Variants in CCDC13 observed in about 807,000 individuals in gnomAD.
CCDC13 encodes the protein coiled-coil domain-containing protein 13.
CCDC13 carries 70 observed loss-of-function variants against 87.3 expected under a neutral mutation model. The ratio of observed to expected loss-of-function variants is 0.80; its 90% CI spans 0.66 to 0.98. The LOEUF is 0.98. CCDC13 is among the 50% of genes least tolerant of loss of function. CCDC13 has a pLI of 0.00. For synonymous variants in CCDC13, 317 were observed against 360.3 expected (o/e 0.88, Z 1.36); for missense variants, 842 against 892.0 (o/e 0.94, Z 0.71).
At chr3:42,756,338 T>A (rs1289306735) in intron 3 of CCDC13, among the ~76,000 whole-genome samples, 1 of 152,188 alleles carries the variant, frequency 6.6e-6, no homozygotes, top group Non-Finnish European at 1.5e-5. Context: ...ACAGAGCCAA[T>A]GTCCAGCTCA....
At position 42,736,288 on chromosome 3, in the gene CCDC13, G is replaced by A. The variant is rs190772645; in HGVS notation, c.1165-375C>T. ...CCTTGGAGGCAGTACCTGGACCCCT[G>A]CCAGGGATCCATTAGCACCTGACTG... On this transcript the variant is annotated intron_variant, in intron 9 of 15. Coordinates refer to ENST00000310232, the MANE Select transcript of CCDC13 (RefSeq NM_144719.4). Among the ~76,000 whole-genome samples, 10 of 152,270 alleles carry A rather than the reference G, an allele frequency of 6.6e-5. No homozygotes were observed. The East Asian group carries it at 1.9e-3, about 29-fold the overall frequency.
chr3:42,737,997 C>T (rs1047617162), intron 9 of CCDC13, among the ~76,000 whole-genome samples: 10 of 152,210 alleles, frequency 6.6e-5, no homozygotes, highest in Non-Finnish European at 1.2e-4. Context: ...TGCCTATGTC[C>T]TGAATGGTAT....
At chr3:42,756,130 C>T (rs911145528) in intron 3 of CCDC13, among the ~76,000 whole-genome samples, 7 of 152,190 alleles carry the variant, frequency 4.6e-5, no homozygotes, top group African/African-American at 1.4e-4. Flanking sequence ...TATCCTCAAA[C>T]GCATTTACTC....
At chr3:42,756,262 A>G (rs765107343) in intron 3 of CCDC13, among the ~76,000 whole-genome samples, 15 of 152,260 alleles carry the variant, frequency 9.9e-5, no homozygotes, top group Non-Finnish European at 1.6e-4. Context: ...GGGTATATAC[A>G]TAACACAGGA....
intron 14 of CCDC13, among the ~76,000 whole-genome samples, chr3:42,712,100 C>A (rs1260790077): frequency 6.6e-6 from 1 of 152,182 alleles, no homozygotes; most frequent in African/African-American, 2.4e-5. Context: ...GCCCCAACAC[C>A]CTCTTTATGC....
intron 12 of CCDC13, chr3:42,732,536 T>C (rs1559644309): frequency 3.5e-6 from 1 of 287,328 alleles, no homozygotes; most frequent in Non-Finnish European, 6.6e-6. Context: ...GGGATATCAG[T>C]GGGAACCCAT....
chr3:42,732,753 C>G, intron 12 of CCDC13, 134 bp downstream of exon 12: 3 of 726,984 alleles, frequency 4.1e-6, no homozygotes, highest in Non-Finnish European at 6.9e-6. Context: ...TCCTCCCTGT[C>G]TTTATGTAAC....
rs550281375 is a variant in CCDC13 at position 42,758,894 on chromosome 3, C to T, written c.-6-543G>A. 2.1e-4 allele frequency among the ~76,000 whole-genome samples: 32 copies of T among 152,248 alleles called. No homozygotes were observed. In the South Asian group the frequency reaches 6.2e-3, roughly 30 times the overall value. Reference sequence around the variant, plus strand: ...TCAAGGTACAGGGCACTTACGGTCCCTGAGCAGGCTACTTTGTGCCCCTTC... The same window carrying T: ...TCAAGGTACAGGGCACTTACGGTCCTTGAGCAGGCTACTTTGTGCCCCTTC... On this transcript the variant is annotated intron_variant, in intron 1 of 15. Coordinates refer to ENST00000310232, the MANE Select transcript of CCDC13 (RefSeq NM_144719.4).
chr3:42,715,094 C>G (rs1206098960), intron 13 of CCDC13, among the ~76,000 whole-genome samples: 1 of 150,898 alleles, frequency 6.6e-6, no homozygotes. Context: ...AAGTCTGAGA[C>G]CAGACCAGCC....
intron 1 of CCDC13, among the ~76,000 whole-genome samples, chr3:42,764,933 A>G (rs189189071): frequency 6.6e-6 from 1 of 152,276 alleles, no homozygotes; most frequent in East Asian, 1.9e-4. Flanking sequence ...TACCTTATTC[A>G]TTTGCTAAAT....
intron 13 of CCDC13, chr3:42,719,604 G>C (rs1033598028): frequency 3.9e-5 from 6 of 152,122 alleles, no homozygotes; most frequent in African/African-American, 1.4e-4. Flanking sequence ...ACACCCATAA[G>C]CCTGCTTTTC....
rs1699566242 is a variant in CCDC13, at chr3:42,751,103, C to T, written c.603+833G>A. 2.0e-5 allele frequency among the ~76,000 whole-genome samples: 3 copies of T among 152,208 alleles called. No homozygotes were observed. In the South Asian group the frequency reaches 6.2e-4, roughly 32 times the overall value. ...ACTGCACAGCGAGGACTGAATTATC[C>T]TCAAGGAAGGCACAGGGCAGTCTGA... On this transcript the variant is annotated intron_variant, in intron 5 of 15. Transcript: ENST00000310232.
At chr3:42,767,034 A>T (rs1263653286) in intron 1 of CCDC13, among the ~76,000 whole-genome samples, 2 of 152,226 alleles carry the variant, frequency 1.3e-5, no homozygotes, top group East Asian at 3.8e-4. Flanking sequence ...CTCTTTCAAC[A>T]TCATACTAGA....
At chr3:42,721,665 C>G (rs755789861) in intron 13 of CCDC13, among the ~76,000 whole-genome samples, 2 of 152,182 alleles carry the variant, frequency 1.3e-5, no homozygotes, top group Non-Finnish European at 2.9e-5. Context: ...GTATTCTTAA[C>G]TTATGGCAAC....
In CCDC13 at chr3:42,751,926, G is replaced by C. The variant is rs1359101901; in HGVS notation, c.603+10C>G. On this transcript the variant is annotated intron_variant, in intron 5 of 15. Transcript: ENST00000310232. ...CTCACAGACTTCCCAGCACAGAAGAGAATTCATACCAATGCTCTGTCTCCC... is the reference window on the plus strand; with the variant it reads ...CTCACAGACTTCCCAGCACAGAAGACAATTCATACCAATGCTCTGTCTCCC... The C allele has an allele frequency of 6.2e-7, 1 of 1,611,014 alleles. No individual in the cohort carries two copies. The highest frequency in any genetic ancestry group is 8.5e-7 in the Non-Finnish European group (1 of 1,179,100).
chr3:42,732,758 T>C (rs1698874413), intron 12 of CCDC13, 129 bp downstream of exon 12: 2 of 744,752 alleles, frequency 2.7e-6, no homozygotes, highest in South Asian at 1.8e-5. Flanking sequence ...CCTGTCTTTA[T>C]GTAACCTTGG....
Position 42,752,602 on chromosome 3 carries a change from G to A in CCDC13, c.486C>T (p.Thr162=). Reference sequence around the variant, plus strand: ...CCCGCTCCAGCTCCTGGATGCGATTGGTCAGCTGCTTCACCCTGGTTTTTG... The same window carrying A: ...CCCGCTCCAGCTCCTGGATGCGATTAGTCAGCTGCTTCACCCTGGTTTTTG... The part of the protein sequence containing the change: ...EGAKTRVKQL[T]NRIQELEREL... The change falls in exon 4 of 16, where the codon ACC becomes ACT. Residue 162 remains threonine, a synonymous_variant. Coordinates refer to ENST00000310232, the MANE Select transcript of CCDC13 (RefSeq NM_144719.4). The A allele has an allele frequency of 6.2e-7, 1 of 1,614,210 alleles. No homozygotes were observed. Among genetic ancestry groups the A allele is most frequent in the Non-Finnish European group, 8.5e-7 (1 of 1,180,046 alleles).
At position 42,733,486 on chromosome 3, in the gene CCDC13, T is replaced by G; in HGVS notation, c.1495A>C (p.Arg499=). Residue 499 remains arginine (R), a synonymous_variant, in exon 11 of 16, where the codon AGG becomes CGG. Transcript: ENST00000310232. The part of the protein sequence containing the change: ...SPASAGDHVG[R]LGSSRSVTSL... ...TTTTCTTACCGAGAAGATCCAAGCC[T>G]GCCAACATGATCGCCTGCTGAGGCC... The G allele has an allele frequency of 6.2e-7, 1 of 1,614,072 alleles. No individual in the cohort carries two copies. Among genetic ancestry groups the G allele is most frequent in the Non-Finnish European group, 8.5e-7 (1 of 1,179,984 alleles).
chr3:42,756,605 G>C (rs1396748211), intron 3 of CCDC13, among the ~76,000 whole-genome samples: 1 of 150,008 alleles, frequency 6.7e-6, no homozygotes, highest in East Asian at 2.0e-4. Flanking sequence ...TTTTTTTCAA[G>C]ACAGGATCTC....
Sources: allele counts gnomAD v4.1 joint callset (sites outside exome capture counted in the v4.1 genomes callset), GRCh38; gene constraint gnomAD v4.1.1; transcripts MANE v1.5; gene names NCBI Gene and HGNC (gene_info 2026-07-23, HGNC 2026-07-21).